The following SLC39A11 variants were observed in gnomAD, a reference collection of about 807,000 sequenced individuals.
SLC39A11 encodes zinc transporter ZIP11.
SLC39A11 carries 33 observed loss-of-function variants against 36.1 expected under a neutral mutation model. The observed-to-expected ratio is 0.91, with a 90% CI of 0.69 to 1.22. The LOEUF (loss-of-function observed/expected upper bound fraction) is 1.22, where lower values mean the gene tolerates loss of function less well. SLC39A11 is among the 50% of genes most tolerant of loss of function. The pLI, the probability that SLC39A11 is intolerant of heterozygous loss-of-function variation, is 0.00. For missense variants in SLC39A11, 432 were observed against 430.3 expected (o/e 1.00, Z -0.03); for synonymous variants, 166 against 170.3 (o/e 0.97, Z 0.20).
At chr17:73,032,414 C>G (rs1282356339) in intron 3 of SLC39A11, among the ~76,000 whole-genome samples, 1 of 152,056 alleles carries the variant, frequency 6.6e-6, no homozygotes, top group Non-Finnish European at 1.5e-5. Flanking sequence ...GCCATATTGG[C>G]CAGGCTGGTC....
chr17:72,900,338 G>A (rs1210004120), intron 5 of SLC39A11, among the ~76,000 whole-genome samples: 1 of 152,092 alleles, frequency 6.6e-6, no homozygotes, highest in Non-Finnish European at 1.5e-5. Flanking sequence ...AACAAGTCGT[G>A]GGGGTATCTG....
At chr17:72,734,480 A>G (rs1163018385) in intron 7 of SLC39A11, among the ~76,000 whole-genome samples, 1 of 152,176 alleles carries the variant, frequency 6.6e-6, no homozygotes, top group Non-Finnish European at 1.5e-5. Context: ...TGATGCTTGT[A>G]TAGCAGAGGG....
At chr17:72,713,844 T>C (rs2073217170) in intron 7 of SLC39A11, among the ~76,000 whole-genome samples, 2 of 152,178 alleles carry the variant, frequency 1.3e-5, no homozygotes, top group African/African-American at 2.4e-5. Context: ...AAGTGCACTC[T>C]CGCTGAATCC....
At chr17:72,780,684 T>C (rs904299997) in intron 6 of SLC39A11, among the ~76,000 whole-genome samples, 9 of 152,188 alleles carry the variant, frequency 5.9e-5, no homozygotes, top group African/African-American at 2.2e-4. Flanking sequence ...TTTTCTTTTC[T>C]TTAAAATATT....
At chr17:73,089,939 A>G (rs2060870699) in intron 1 of SLC39A11, among the ~76,000 whole-genome samples, 2 of 152,190 alleles carry the variant, frequency 1.3e-5, no homozygotes, top group South Asian at 2.1e-4. Flanking sequence ...GTGGAAAGTT[A>G]CAAGGCAGAG....
chr17:72,732,843 T>C (rs2143894029), intron 7 of SLC39A11, among the ~76,000 whole-genome samples: 1 of 152,324 alleles, frequency 6.6e-6, no homozygotes, highest in Non-Finnish European at 1.5e-5. Context: ...TATTTGAGGT[T>C]TCTGGTACAA....
chr17:72,823,139 T>C (rs2077867499), intron 6 of SLC39A11, among the ~76,000 whole-genome samples: 1 of 150,946 alleles, frequency 6.6e-6, no homozygotes. Flanking sequence ...CAAGACAAAA[T>C]GGAAGAAAAA....
chr17:72,784,827 C>T (rs1425663157), intron 6 of SLC39A11, among the ~76,000 whole-genome samples: 3 of 151,370 alleles, frequency 2.0e-5, no homozygotes, highest in Non-Finnish European at 4.4e-5. Flanking sequence ...GCCTGCAGAA[C>T]TGTGGGCCAA....
At chr17:72,925,340 A>G (rs2083979184) in intron 5 of SLC39A11, among the ~76,000 whole-genome samples, 1 of 152,204 alleles carries the variant, frequency 6.6e-6, no homozygotes, top group South Asian at 2.1e-4. Flanking sequence ...GGTATCTTCC[A>G]TGAGTCAGAA....
chr17:73,022,950 A>C (rs967219936), intron 4 of SLC39A11, among the ~76,000 whole-genome samples: 1 of 152,148 alleles, frequency 6.6e-6, no homozygotes, highest in South Asian at 2.1e-4. Flanking sequence ...TTCCTTTGCC[A>C]GTGAACCCTT....
intron 6 of SLC39A11, among the ~76,000 whole-genome samples, chr17:72,841,212 GC>G: frequency 6.6e-6 from 1 of 152,174 alleles, no homozygotes; most frequent in Admixed American, 6.5e-5. Flanking sequence ...ATAACATTGG[GC>G]CCCCCAAAAA....
At chr17:72,718,663 G>A (rs2073515815) in intron 7 of SLC39A11, among the ~76,000 whole-genome samples, 1 of 152,182 alleles carries the variant, frequency 6.6e-6, no homozygotes, top group African/African-American at 2.4e-5. Context: ...AAATCCTAGA[G>A]GAGTCAAATT....
Position 72,933,525 on chromosome 17 carries a change from G to C in SLC39A11, c.430+14227C>G, listed in dbSNP as rs182770874. Among the ~76,000 whole-genome samples the C allele has an allele frequency of 7.9e-5, 12 of 152,210 alleles. No individual in the cohort carries two copies. The East Asian group carries it at 1.9e-3, about 25-fold the overall frequency. On this transcript the variant is annotated intron_variant, in intron 5 of 9. Transcript: ENST00000255559. Reference sequence around the variant, plus strand: ...GCAACCCCAGTCAAAATCCCATTGGGATTTGTTTTTCTGAGATGGAGTCTT... The same window carrying C: ...GCAACCCCAGTCAAAATCCCATTGGCATTTGTTTTTCTGAGATGGAGTCTT...
chr17:72,907,503 A>T (rs955504362), intron 5 of SLC39A11, among the ~76,000 whole-genome samples: 2 of 152,148 alleles, frequency 1.3e-5, no homozygotes, highest in Non-Finnish European at 2.9e-5. Context: ...AACTCAAACA[A>T]ACAAACAAAA....
At chr17:73,088,557 G>A in intron 2 of SLC39A11, 100 bp downstream of exon 2, 1 of 862,076 alleles carries the variant, frequency 1.2e-6, no homozygotes, top group Non-Finnish European at 1.9e-6. Flanking sequence ...GTGTGGCCAG[G>A]GGCACTGAAA....
chr17:72,881,568 T>A (rs547652952), intron 5 of SLC39A11, among the ~76,000 whole-genome samples: 36 of 152,356 alleles, frequency 2.4e-4, no homozygotes, highest in African/African-American at 8.2e-4. Context: ...GAATATGATA[T>A]ATGTCATTTC....
chr17:72,941,968 C>A (rs1035118573), intron 5 of SLC39A11, among the ~76,000 whole-genome samples: 1 of 151,874 alleles, frequency 6.6e-6, no homozygotes, highest in African/African-American at 2.4e-5. Flanking sequence ...GCAGCCTCTG[C>A]CTCCTGGGTT....
At chr17:72,842,649 T>A (rs559766829) in intron 6 of SLC39A11, among the ~76,000 whole-genome samples, 1 of 152,290 alleles carries the variant, frequency 6.6e-6, no homozygotes, top group African/African-American at 2.4e-5. Context: ...GACAGTATGC[T>A]CAAAAGGCTG....
rs1167034424 is a variant in SLC39A11 at position 72,852,204 on chromosome 17, C to CAAAAAAAAAAAAAAAAAAAAAAAAA, written c.431-2401_431-2400insTTTTTTTTTTTTTTTTTTTTTTTTT. The stretch of plus-strand genomic sequence containing the variant: ...TGGGCAACAGAGCAAGACTCCGTCT[C>CAAAAAAAAAAAAAAAAAAAAAAAAA]AAAAAAAAAAAAAAAAAAAAAAAAC... On this transcript the variant is annotated intron_variant, in intron 5 of 9. Transcript: ENST00000255559. Among the ~76,000 whole-genome samples, 12 of 39,906 alleles carry CAAAAAAAAAAAAAAAAAAAAAAAAA rather than the reference C, an allele frequency of 3.0e-4. 1 individual carries two copies. The highest frequency in any genetic ancestry group is 1.7e-3 in the South Asian group (1 of 598). 26.2% of individuals were successfully genotyped at this position (39,906 alleles called of 152,430 possible). A position where few individuals can be genotyped will look rare whatever the true frequency, so the allele number is the denominator to read the frequency against.
Sources: gnomAD v4.1 joint callset for allele counts (sites outside exome capture counted in the v4.1 genomes callset) on GRCh38, gnomAD v4.1.1 for gene constraint, MANE v1.5 for transcripts, NCBI Gene and HGNC (gene_info 2026-07-23, HGNC 2026-07-21) for gene names.